LMNTD1: variants seen among roughly 807,000 people sequenced by gnomAD.
The protein encoded by LMNTD1 is lamin tail domain-containing protein 1.
Under a neutral mutation model 50.9 loss-of-function variants are expected in LMNTD1, and 35 were observed. The ratio of observed to expected loss-of-function variants is 0.69; its 90% CI spans 0.53 to 0.91. The LOEUF is 0.91. Among genes scored for constraint, LMNTD1 ranks in the 40% least tolerant of loss-of-function variants. LMNTD1 has a pLI of 0.00. For synonymous variants in LMNTD1, 153 were observed against 161.9 expected, an observed-to-expected ratio of 0.94 and a Z score of 0.42; for missense variants, 470 against 475.5, an observed-to-expected ratio of 0.99 and a Z score of 0.11.
At chr12:25,500,528 T>C (rs1469544545) in intron 9 of LMNTD1, among the ~76,000 whole-genome samples, 1 of 152,206 alleles carries the variant, frequency 6.6e-6, no homozygotes, top group African/African-American at 2.4e-5. Context: ...GAGCGTTTAC[T>C]GGTTGTGAGT....
chr12:25,489,541 G>A (rs1203780173), intron 9 of LMNTD1, among the ~76,000 whole-genome samples: 1 of 140,706 alleles, frequency 7.1e-6, no homozygotes, highest in Non-Finnish European at 1.6e-5. Context: ...ACTCCCTAGT[G>A]AGATGAACCT....
intron 8 of LMNTD1, among the ~76,000 whole-genome samples, chr12:25,504,445 T>G (rs542930219): frequency 1.3e-5 from 2 of 152,308 alleles, no homozygotes; most frequent in South Asian, 4.1e-4. Context: ...ACTAAAATAG[T>G]GTTGAATTGA....
At chr12:25,543,008 C>T (rs1943198473) in intron 4 of LMNTD1, among the ~76,000 whole-genome samples, 1 of 151,776 alleles carries the variant, frequency 6.6e-6, no homozygotes, top group African/African-American at 2.4e-5. Flanking sequence ...TGACATTATG[C>T]AAATAATTGG....
chr12:25,573,927 ACT>A, intron 1 of LMNTD1, among the ~76,000 whole-genome samples: 1 of 151,590 alleles, frequency 6.6e-6, no homozygotes, highest in East Asian at 1.9e-4. Flanking sequence ...CTCTAGGGAG[ACT>A]CTATCCTTGA....
chr12:25,571,942 G>A (rs542171211), intron 1 of LMNTD1, among the ~76,000 whole-genome samples: 3 of 152,318 alleles, frequency 2.0e-5, no homozygotes, highest in Admixed American at 6.5e-5. Flanking sequence ...AAAGTGCTGG[G>A]ATGACAGGAA....
chr12:25,619,184 T>C (rs1222628729), intron 1 of LMNTD1, among the ~76,000 whole-genome samples: 1 of 151,144 alleles, frequency 6.6e-6, no homozygotes, highest in Non-Finnish European at 1.5e-5. Context: ...TCTGTAGAAG[T>C]AGAATTGCTG....
intron 1 of LMNTD1, among the ~76,000 whole-genome samples, chr12:25,567,605 G>A (rs762388483): frequency 6.6e-6 from 1 of 152,116 alleles, no homozygotes; most frequent in African/African-American, 2.4e-5. Flanking sequence ...TGGTTTAGCA[G>A]CATCCCCTTG....
rs1414045277 is a variant in LMNTD1 at position 25,637,761 on chromosome 12, T to G, written c.58+10733A>C. ...AAAGACAATGCAATTTAAAGATGGG[T>G]AAAGGATTTGAATATACCCTTTTTT... On this transcript the variant is annotated intron_variant, in intron 1 of 7. Transcript: ENST00000445693. 7.9e-5 allele frequency among the ~76,000 whole-genome samples: 12 copies of G among 152,014 alleles called. 1 individual carries two copies. Among genetic ancestry groups the G allele is most frequent in the Admixed American group, 7.9e-4 (12 of 15,256 alleles).
At chr12:25,614,521 A>G (rs1483721824) in intron 1 of LMNTD1, among the ~76,000 whole-genome samples, 2 of 152,178 alleles carry the variant, frequency 1.3e-5, no homozygotes, top group Non-Finnish European at 2.9e-5. Context: ...CCAAGATACT[A>G]TCACATGCAA....
chr12:25,554,263 T>A (rs1002768120), upstream of LMNTD1, among the ~76,000 whole-genome samples: 2 of 152,240 alleles, frequency 1.3e-5, no homozygotes, highest in African/African-American at 2.4e-5. Context: ...TGTACCAGTC[T>A]GGATGGCTTT....
In LMNTD1 at chr12:25,533,106, G is replaced by T. The variant is rs1942335140; in HGVS notation, c.492-6151C>A. ...GCATATACATAGAATAAATGTTCTT[G>T]TCTGAAGGAAAAAACAACATTGTCC... On this transcript the variant is annotated intron_variant, in intron 4 of 9. Transcript: ENST00000458174. Among the ~76,000 whole-genome samples, 4 of 151,992 alleles carry T rather than the reference G, an allele frequency of 2.6e-5. No homozygotes were observed. The South Asian group carries it at 8.3e-4, about 32-fold the overall frequency.
At chr12:25,631,003 G>C (rs1946706422) in intron 1 of LMNTD1, among the ~76,000 whole-genome samples, 1 of 152,154 alleles carries the variant, frequency 6.6e-6, no homozygotes, top group East Asian at 1.9e-4. Context: ...GTTTGAGTGG[G>C]AGCTGGGTGA....
intron 4 of LMNTD1, among the ~76,000 whole-genome samples, chr12:25,527,640 C>CTATATATATATATA (rs61347000): frequency 1.3e-3 from 80 of 61,488 alleles, no homozygotes; most frequent in Admixed American, 2.2e-3. Context: ...CTTAATAACA[C>CTATATATATATATA]TATATATATA....
chr12:25,607,064 G>A (rs1305473577), intron 1 of LMNTD1, among the ~76,000 whole-genome samples: 1 of 151,952 alleles, frequency 6.6e-6, no homozygotes, highest in African/African-American at 2.4e-5. Context: ...GTCTTGGGAG[G>A]GTGTATGTTT....
intron 1 of LMNTD1, among the ~76,000 whole-genome samples, chr12:25,616,711 G>A (rs534965187): frequency 4.2e-4 from 64 of 152,156 alleles, no homozygotes; most frequent in African/African-American, 1.4e-3. Context: ...AATTGCATAT[G>A]AATCTACAAT....
chr12:25,607,144 T>C lies in LMNTD1; in HGVS notation c.58+41350A>G, dbSNP rs573750675. ...TAGAGGTGTTTATAGTATTCTCTGA[T>C]GGTAGTTTGTATTTATGTGGGATTG... On this transcript the variant is annotated intron_variant, in intron 1 of 7. Coordinates refer to the LMNTD1 transcript ENST00000445693. Among the ~76,000 whole-genome samples the C allele has an allele frequency of 7.9e-5, 12 of 152,320 alleles. 1 individual carries two copies. The South Asian group carries it at 1.9e-3, about 24-fold the overall frequency.
intron 4 of LMNTD1, among the ~76,000 whole-genome samples, chr12:25,535,264 C>T (rs543179883): frequency 1.3e-5 from 2 of 151,814 alleles, no homozygotes; most frequent in South Asian, 4.2e-4. Flanking sequence ...CAAAAAGAAA[C>T]AATCAGAGGA....
At chr12:25,589,428 T>C (rs530061284) in intron 1 of LMNTD1, among the ~76,000 whole-genome samples, 1 of 152,240 alleles carries the variant, frequency 6.6e-6, no homozygotes, top group Admixed American at 6.5e-5. Flanking sequence ...AATAGAAAAT[T>C]CAGGATAATG....
At chr12:25,540,723 C>T (rs1423586668) in intron 4 of LMNTD1, among the ~76,000 whole-genome samples, 1 of 140,048 alleles carries the variant, frequency 7.1e-6, no homozygotes, top group Non-Finnish European at 1.6e-5. Context: ...AAGTTCTGGC[C>T]AGGGCAATTA....
Sources: allele counts gnomAD v4.1 joint callset (sites outside exome capture counted in the v4.1 genomes callset), GRCh38; gene constraint gnomAD v4.1.1; transcripts MANE v1.5; gene names NCBI Gene and HGNC (gene_info 2026-07-23, HGNC 2026-07-21).